LMF1: variants seen among roughly 807,000 people sequenced by gnomAD.
LMF1 encodes the protein lipase maturation factor 1, also known as transmembrane protein 112.
LMF1 carries 68 observed loss-of-function variants against 60.6 expected under a neutral mutation model. That is an observed-to-expected ratio of 1.12 (90% CI 0.92 to 1.37). The LOEUF is 1.37. Ranked by LOEUF, LMF1 falls within the 40% of genes most tolerant of loss-of-function variation. The pLI is 0.00. For missense variants in LMF1, 948 were observed against 767.2 expected, an observed-to-expected ratio of 1.24 and a Z score of -2.78; for synonymous variants, 418 against 324.7, an observed-to-expected ratio of 1.29 and a Z score of -3.09.
At chr16:884,455 C>T (rs989236935) in intron 5 of LMF1, among the ~76,000 whole-genome samples, 2 of 152,060 alleles carry the variant, frequency 1.3e-5, no homozygotes, top group Admixed American at 6.6e-5. Flanking sequence ...TACCCAACAA[C>T]AATCTCTTTC....
chr16:953,408 A>G (rs1322979099), intron 2 of LMF1, among the ~76,000 whole-genome samples: 50 of 75,736 alleles, frequency 6.6e-4, no homozygotes, highest in Admixed American at 5.6e-3. Flanking sequence ...CACCCACCCC[A>G]AACCAGCCTC....
chr16:895,932 C>T (rs879035506), intron 4 of LMF1, among the ~76,000 whole-genome samples: 1 of 61,044 alleles, frequency 1.6e-5, no homozygotes, highest in African/African-American at 7.4e-5. Flanking sequence ...GAGGCTCAGC[C>T]ACCCACACGC....
intron 1 of LMF1, among the ~76,000 whole-genome samples, chr16:955,960 T>C (rs1174274980): frequency 2.0e-5 from 3 of 149,280 alleles, no homozygotes; most frequent in Non-Finnish European, 4.5e-5. Flanking sequence ...GACGGCTCTC[T>C]CACATCCACA....
At chr16:931,002 T>G (rs1235698013) in intron 3 of LMF1, among the ~76,000 whole-genome samples, 1 of 152,000 alleles carries the variant, frequency 6.6e-6, no homozygotes, top group Admixed American at 6.6e-5. Flanking sequence ...GCGCCTGTAA[T>G]CCCAGCTACT....
At chr16:894,712 T>C (rs4984714) in intron 4 of LMF1, among the ~76,000 whole-genome samples, 66,999 of 152,060 alleles carry the variant, frequency 0.44, 17,126 homozygotes, top group African/African-American at 0.69. Flanking sequence ...CAGGTAGCGC[T>C]GTCTCACTGT....
chr16:898,887 C>T (rs1417312265), intron 4 of LMF1: 1 of 152,250 alleles, frequency 6.6e-6, no homozygotes. Flanking sequence ...ACGACGTGCA[C>T]TTCAATAGAA....
At chr16:941,209 T>C (rs2072092426) in intron 2 of LMF1, among the ~76,000 whole-genome samples, 1 of 152,190 alleles carries the variant, frequency 6.6e-6, no homozygotes, top group African/African-American at 2.4e-5. Flanking sequence ...AAACTGCATA[T>C]ACTTGATACC....
At chr16:911,693 G>A (rs1314845642) in intron 3 of LMF1, among the ~76,000 whole-genome samples, 3 of 144,586 alleles carry the variant, frequency 2.1e-5, no homozygotes, top group Non-Finnish European at 3.1e-5. Context: ...GCAGCACTGG[G>A]GGAGCAGCAC....
At chr16:915,220 G>A (rs1227985083) in intron 3 of LMF1, among the ~76,000 whole-genome samples, 1 of 152,176 alleles carries the variant, frequency 6.6e-6, no homozygotes, top group Non-Finnish European at 1.5e-5. Flanking sequence ...GGCTGGGCAG[G>A]CCCTGTGTGC....
At position 869,895 on chromosome 16, in the gene LMF1, G is replaced by A. The variant is rs371869557; in HGVS notation, c.1404C>T (p.Phe468=). 1.9e-5 allele frequency: 30 copies of A among 1,612,102 alleles called. No homozygotes were observed. In the African/African-American group the frequency reaches 2.7e-4, roughly 14 times the overall value. Residue 468 remains phenylalanine (F), a synonymous_variant, in exon 9 of 11, where the codon TTC becomes TTT. Coordinates refer to ENST00000262301, the MANE Select transcript of LMF1 (RefSeq NM_022773.4). ...YHYRLDWLMW[F]AAFQTYEHND... is the part of the protein sequence containing the mutation. Reference sequence around the variant, plus strand: ...GACCGTCCCCCACCTGGAAGGCCGCGAACCACATCAGCCAGTCCAGGCGGT... The same window carrying A: ...GACCGTCCCCCACCTGGAAGGCCGCAAACCACATCAGCCAGTCCAGGCGGT...
intron 4 of LMF1, among the ~76,000 whole-genome samples, chr16:907,883 C>A (rs1244129951): frequency 6.6e-6 from 1 of 152,232 alleles, no homozygotes. Context: ...CTGGCACTAG[C>A]AATCAATCAA....
intron 4 of LMF1, among the ~76,000 whole-genome samples, chr16:904,400 A>T: frequency 1.0e-5 from 1 of 97,994 alleles, no homozygotes; most frequent in Non-Finnish European, 2.0e-5. Flanking sequence ...TGCATCGCCC[A>T]CAGGACGCCT....
chr16:880,532 T>C (rs1415163626), intron 5 of LMF1, among the ~76,000 whole-genome samples: 1 of 152,190 alleles, frequency 6.6e-6, no homozygotes. Flanking sequence ...TAGCTGGGCA[T>C]GGTGGTGCGT....
chr16:928,052 G>A (rs532573953), intron 3 of LMF1, among the ~76,000 whole-genome samples: 2 of 152,192 alleles, frequency 1.3e-5, no homozygotes, highest in African/African-American at 2.4e-5. Context: ...ACAAATAACC[G>A]AATTCCAGCA....
intron 3 of LMF1, among the ~76,000 whole-genome samples, chr16:917,108 G>A (rs1437233084): frequency 3.9e-5 from 6 of 152,224 alleles, no homozygotes; most frequent in African/African-American, 7.2e-5. Flanking sequence ...GGGGCCATCT[G>A]CAGCCCAGCA....
rs532015813 is a variant in LMF1, at chr16:950,348, A to G, written c.503+4009T>C. On this transcript the variant is annotated intron_variant, in intron 2 of 10. Transcript: ENST00000262301. ...ACGACAGAGTCAGCCAACAACAGTC[A>G]GCCAACGACAGAGTCAGGCCAACGA... 1.6e-4 allele frequency among the ~76,000 whole-genome samples: 20 copies of G among 123,654 alleles called. 1 individual carries two copies. The highest frequency in any genetic ancestry group is 1.6e-3 in the Admixed American group (20 of 12,462). 81.1% of individuals were successfully genotyped at this position (123,654 alleles called of 152,430 possible).
rs567544323 is a variant in LMF1 at position 868,369 on chromosome 16, C to T, written c.1529+575G>A. 9.2e-5 allele frequency among the ~76,000 whole-genome samples: 14 copies of T among 152,294 alleles called. No individual in the cohort carries two copies. The South Asian group carries it at 1.7e-3, about 18-fold the overall frequency. On this transcript the variant is annotated intron_variant, in intron 10 of 10. Transcript: ENST00000262301. ...CTCCCTGTGCACCCCAGCTCCCCTG[C>T]GTGGAGTCTGGAAAGTCATCCCTGG...
At chr16:935,042 CG>C (rs1380770072) in intron 2 of LMF1, among the ~76,000 whole-genome samples, 1 of 152,086 alleles carries the variant, frequency 6.6e-6, no homozygotes, top group Non-Finnish European at 1.5e-5. Context: ...ACGAAATGTA[CG>C]GAACAGGCCG....
chr16:930,198 G>A (rs933116845), intron 3 of LMF1, among the ~76,000 whole-genome samples: 11 of 138,366 alleles, frequency 7.9e-5, no homozygotes, highest in South Asian at 2.3e-4. Flanking sequence ...GGTCGTGTTC[G>A]TCTGAACAGG....
Sources: gnomAD v4.1 joint callset for allele counts (sites outside exome capture counted in the v4.1 genomes callset) on GRCh38, gnomAD v4.1.1 for gene constraint, MANE v1.5 for transcripts, NCBI Gene and HGNC (gene_info 2026-07-23, HGNC 2026-07-21) for gene names.